NR2C1: variants seen among roughly 807,000 people sequenced by gnomAD.
The protein encoded by NR2C1 is nuclear receptor subfamily 2 group C member 1, also known as TR2 nuclear hormone receptor.
A neutral mutation model predicts 74.8 loss-of-function variants in NR2C1; 33 were observed. The observed-to-expected ratio is 0.44, with a 90% CI of 0.33 to 0.59. NR2C1 has a LOEUF of 0.59. Among genes scored for constraint, NR2C1 ranks in the 20% least tolerant of loss-of-function variants. The pLI is 0.02. For missense variants in NR2C1, 568 were observed against 715.6 expected (o/e 0.79, Z 2.35); for synonymous variants, 225 against 240.6 (o/e 0.94, Z 0.60).
chr12:95,064,699 TTC>T (rs1302165129), intron 2 of NR2C1, among the ~76,000 whole-genome samples: 1 of 152,162 alleles, frequency 6.6e-6, no homozygotes, highest in East Asian at 1.9e-4. Flanking sequence ...CATTGAGAGT[TTC>T]TGTTATTCAG....
chr12:95,037,253 A>C (rs564032963), intron 10 of NR2C1, among the ~76,000 whole-genome samples: 2 of 152,224 alleles, frequency 1.3e-5, no homozygotes, highest in Non-Finnish European at 2.9e-5. Flanking sequence ...TCATATAGTC[A>C]CTTAACCTAA....
At chr12:95,041,898 C>A in intron 9 of NR2C1, among the ~76,000 whole-genome samples, 1 of 152,122 alleles carries the variant, frequency 6.6e-6, no homozygotes, top group Admixed American at 6.5e-5. Context: ...CTGGCAACAA[C>A]CCAAATTTCT....
chr12:95,021,754 A>C lies in NR2C1; in HGVS notation c.*475T>G, dbSNP rs1868800442. The C allele has an allele frequency of 6.6e-6, 1 of 152,628 alleles. No individual in the cohort carries two copies. The highest frequency in any genetic ancestry group is 1.5e-5 in the Non-Finnish European group (1 of 68,406). The allele number at this position is 152,628 out of a possible 1,614,324, so 9.5% of individuals were successfully genotyped here. A position where few individuals can be genotyped will look rare whatever the true frequency, so the allele number is the denominator to read the frequency against. ...TACTGTCATTATACCAGTAAGCATA[A>C]AATAATCTTATTTTGATATGGTAAT... On this transcript the variant is annotated 3_prime_UTR_variant, in exon 14 of 14. Transcript: ENST00000333003.
At chr12:95,035,813 G>A (rs1388639863) in intron 10 of NR2C1, among the ~76,000 whole-genome samples, 1 of 152,206 alleles carries the variant, frequency 6.6e-6, no homozygotes, top group African/African-American at 2.4e-5. Flanking sequence ...TGGTCTTTAA[G>A]AGAATGACGA....
In NR2C1 at chr12:95,048,997, CTTTGA is replaced by C. The variant is rs2136149021; in HGVS notation, c.1131+66_1131+70del. The C allele has an allele frequency of 5.8e-6, 8 of 1,372,496 alleles. No homozygotes were observed. The South Asian group carries it at 8.8e-5, about 15-fold the overall frequency. 85.0% of individuals were successfully genotyped at this position (1,372,496 alleles called of 1,614,324 possible). On this transcript the variant is annotated intron_variant, in intron 9 of 13. Coordinates refer to ENST00000333003, the MANE Select transcript of NR2C1 (RefSeq NM_003297.4). ...TGACTTTAAAAGCACAACAAACATACTTTGATTTTTGAAAGGTAGATCAAAATCAA... is the reference window on the plus strand; with the variant it reads ...TGACTTTAAAAGCACAACAAACATACTTTTTGAAAGGTAGATCAAAATCAA...
At chr12:95,058,197 G>A (rs1874205873) in intron 5 of NR2C1, 113 bp downstream of exon 5, 2 of 965,250 alleles carry the variant, frequency 2.1e-6, no homozygotes, top group African/African-American at 1.7e-5. Flanking sequence ...ATTTTTAGTT[G>A]GAAAACTGTA....
chr12:95,028,226 T>C, intron 12 of NR2C1, 161 bp downstream of exon 12: 1 of 576,484 alleles, frequency 1.7e-6, no homozygotes, highest in Non-Finnish European at 3.0e-6. Flanking sequence ...GTGAAGCTGC[T>C]GAGTCATATG....
In NR2C1 at chr12:95,073,404, C is replaced by G. The variant is rs867886596; in HGVS notation, c.-32G>C. 2.6e-5 allele frequency: 4 copies of G among 152,298 alleles called. No individual in the cohort carries two copies. Among genetic ancestry groups the G allele is most frequent in the South Asian group, 2.1e-4 (1 of 4,836 alleles). The allele number at this position is 152,298 out of a possible 1,614,324, so 9.4% of individuals were successfully genotyped here. A position where few individuals can be genotyped will look rare whatever the true frequency, so the allele number is the denominator to read the frequency against. ...CCGGCGCTTTTGCGCCCTGCTGACTCCGGCGTCGGGCGCCGACGCGACAGT... is the reference window on the plus strand; with the variant it reads ...CCGGCGCTTTTGCGCCCTGCTGACTGCGGCGTCGGGCGCCGACGCGACAGT... On this transcript the variant is annotated 5_prime_UTR_variant, in exon 1 of 14. Transcript: ENST00000333003.
At chr12:95,032,454 T>C (rs1870252587) in intron 10 of NR2C1, among the ~76,000 whole-genome samples, 1 of 138,586 alleles carries the variant, frequency 7.2e-6, no homozygotes. Flanking sequence ...CGAGACTCCG[T>C]CTCAAAAAAA....
At chr12:95,052,104 T>C (rs544483140) in intron 7 of NR2C1, among the ~76,000 whole-genome samples, 161 bp from the exon 8 acceptor site, 2 of 151,774 alleles carry the variant, frequency 1.3e-5, no homozygotes, top group East Asian at 1.9e-4. Flanking sequence ...CTGAGGAAAA[T>C]ACAAGTTTAA....
Position 95,072,397 on chromosome 12 carries a change from G to C in NR2C1, c.-8+983C>G, listed in dbSNP as rs908883708. On this transcript the variant is annotated intron_variant, in intron 1 of 13. Transcript: ENST00000333003. ...TGAACCTGGAGGCGGAGGTTGCAGT[G>C]AGCCGAGATCGCGCCACCGCACTCC... is the stretch of plus-strand genomic sequence containing the variant. Among the ~76,000 whole-genome samples the C allele has an allele frequency of 7.5e-5, 11 of 145,842 alleles. No homozygotes were observed. In the East Asian group the frequency reaches 1.2e-3, roughly 16 times the overall value.
chr12:95,068,598 T>C (rs887157449), intron 1 of NR2C1, among the ~76,000 whole-genome samples: 8 of 152,048 alleles, frequency 5.3e-5, no homozygotes, highest in South Asian at 2.1e-4. Flanking sequence ...AGTTTGAGAC[T>C]AGCCTGGCCA....
chr12:95,062,420 A>G, intron 3 of NR2C1, 88 bp downstream of exon 3: 1 of 837,216 alleles, frequency 1.2e-6, no homozygotes, highest in Non-Finnish European at 1.9e-6. Context: ...CTGAATATAC[A>G]TAGATCTAAA....
chr12:95,056,955 T>C (rs914299497), intron 7 of NR2C1, among the ~76,000 whole-genome samples: 17 of 130,804 alleles, frequency 1.3e-4, no homozygotes, highest in African/African-American at 5.1e-4. Flanking sequence ...TGAGACTCCA[T>C]CTCAAAAAAA....
intron 13 of NR2C1, among the ~76,000 whole-genome samples, chr12:95,024,176 A>T (rs1869077450): frequency 6.6e-6 from 1 of 152,234 alleles, no homozygotes; most frequent in Admixed American, 6.5e-5. Flanking sequence ...ATTATATGTA[A>T]AAATGTTATC....
At chr12:95,034,028 T>C (rs1870499356) in intron 10 of NR2C1, among the ~76,000 whole-genome samples, 2 of 152,202 alleles carry the variant, frequency 1.3e-5, no homozygotes, top group African/African-American at 4.8e-5. Flanking sequence ...GAATGGTACT[T>C]ATATATTTTT....
intron 12 of NR2C1, chr12:95,028,104 C>T (rs200027709): frequency 1.0e-4 from 24 of 231,506 alleles, no homozygotes; most frequent in East Asian, 7.9e-4. Flanking sequence ...ATCTGTTGAC[C>T]GACATTTGGG....
At chr12:95,073,303 T>C (rs549630415) in intron 1 of NR2C1, 77 bp downstream of exon 1, 1 of 152,358 alleles carries the variant, frequency 6.6e-6, no homozygotes, top group South Asian at 2.1e-4. Context: ...CCGCGTCCGT[T>C]GGCGGTTGGG....
At chr12:95,032,539 C>T (rs549702475) in intron 10 of NR2C1, among the ~76,000 whole-genome samples, 10 of 152,018 alleles carry the variant, frequency 6.6e-5, no homozygotes, top group African/African-American at 1.4e-4. Flanking sequence ...ATGTGCCTGC[C>T]GTCCCAGCTA....
Sources: gnomAD v4.1 joint callset for allele counts (sites outside exome capture counted in the v4.1 genomes callset) on GRCh38, gnomAD v4.1.1 for gene constraint, MANE v1.5 for transcripts, NCBI Gene and HGNC (gene_info 2026-07-23, HGNC 2026-07-21) for gene names.